Variants in PCDH9 observed in about 807,000 individuals in gnomAD.
PCDH9 encodes protocadherin 9, also known as protocadherin-9.
In PCDH9, 24 loss-of-function variants were observed where a neutral mutation model predicts 70.6. The ratio of observed to expected loss-of-function variants is 0.34; its 90% CI spans 0.25 to 0.48. The LOEUF is 0.48. Ranked by LOEUF, PCDH9 falls within the 20% of genes least tolerant of loss-of-function variation. The pLI is 0.99. For synonymous variants in PCDH9, 562 were observed against 558.5 expected (o/e 1.01, Z -0.09); for missense variants, 1,281 against 1,503.6 (o/e 0.85, Z 2.45).
At chr13:67,070,631 GATTAA>G (rs1308754288) in intron 2 of PCDH9, among the ~76,000 whole-genome samples, 2 of 152,064 alleles carry the variant, frequency 1.3e-5, no homozygotes, top group Admixed American at 1.3e-4. Context: ...AATTCCCACT[GATTAA>G]ATTATACAGA....
chr13:67,005,241 TA>T (rs71772833), intron 2 of PCDH9, among the ~76,000 whole-genome samples: 20 of 148,654 alleles, frequency 1.3e-4, no homozygotes, highest in East Asian at 5.9e-4. Context: ...CTGATCTCTT[TA>T]AAAAAAAAAA....
chr13:67,173,531 A>C (rs533622390), intron 2 of PCDH9, among the ~76,000 whole-genome samples: 87 of 152,260 alleles, frequency 5.7e-4, no homozygotes, highest in African/African-American at 2.0e-3. Context: ...CAGGAGTTTC[A>C]CAAGATGGAA....
chr13:67,160,753 T>C (rs1017366928), intron 2 of PCDH9, among the ~76,000 whole-genome samples: 1 of 152,180 alleles, frequency 6.6e-6, no homozygotes, highest in South Asian at 2.1e-4. Flanking sequence ...TTAAGAAAAG[T>C]TACTTACACT....
intron 2 of PCDH9, among the ~76,000 whole-genome samples, chr13:67,187,798 C>A (rs182347207): frequency 2.6e-5 from 4 of 151,950 alleles, no homozygotes; most frequent in South Asian, 4.2e-4. Context: ...AACAGTTGTA[C>A]ACATTTATGA....
rs74768975 is a variant in PCDH9, at chr13:66,531,662, A to G, written c.3340+99548T>C. 7.7e-4 allele frequency among the ~76,000 whole-genome samples: 117 copies of G among 152,284 alleles called. 1 individual carries two copies. The East Asian group carries it at 0.014, about 19-fold the overall frequency. On this transcript the variant is annotated intron_variant, in intron 4 of 4. Transcript: ENST00000377865. Reference sequence around the variant, plus strand: ...CGCTTTAAATTGTTTGGGGTGGTCCATTCTCTAAATACTTAAAATGCAAGA... The same window carrying G: ...CGCTTTAAATTGTTTGGGGTGGTCCGTTCTCTAAATACTTAAAATGCAAGA...
At chr13:66,700,052 A>G (rs1356270224) in intron 3 of PCDH9, among the ~76,000 whole-genome samples, 4 of 152,154 alleles carry the variant, frequency 2.6e-5, no homozygotes, top group Admixed American at 2.6e-4. Context: ...AGAAATATGT[A>G]CAAGACATCT....
chr13:66,899,930 T>C (rs996241245), intron 3 of PCDH9, among the ~76,000 whole-genome samples: 3 of 152,120 alleles, frequency 2.0e-5, no homozygotes, highest in African/African-American at 7.2e-5. Flanking sequence ...AACATTTGTT[T>C]GGAAACTTTG....
intron 2 of PCDH9, among the ~76,000 whole-genome samples, chr13:67,082,600 C>T (rs991504901): frequency 6.6e-6 from 1 of 152,092 alleles, no homozygotes; most frequent in East Asian, 1.9e-4. Context: ...TACACTCACC[C>T]CTTTTGCTTA....
intron 4 of PCDH9, among the ~76,000 whole-genome samples, chr13:66,467,537 A>G (rs906767618): frequency 6.6e-6 from 1 of 152,036 alleles, no homozygotes; most frequent in Non-Finnish European, 1.5e-5. Flanking sequence ...ATCAGTGTGC[A>G]TATCCTCAAG....
intron 4 of PCDH9, among the ~76,000 whole-genome samples, chr13:66,429,250 G>C (rs1407853108): frequency 6.6e-6 from 1 of 151,704 alleles, no homozygotes; most frequent in East Asian, 1.9e-4. Flanking sequence ...AGAAAAGCAA[G>C]AGAGATTAAT....
At chr13:66,769,685 G>T (rs1363952975) in intron 3 of PCDH9, among the ~76,000 whole-genome samples, 1 of 152,070 alleles carries the variant, frequency 6.6e-6, no homozygotes, top group Non-Finnish European at 1.5e-5. Flanking sequence ...TTTTAAAAAT[G>T]ATGTCCTTAA....
chr13:67,156,546 G>A (rs1475211627), intron 2 of PCDH9, among the ~76,000 whole-genome samples: 2 of 151,978 alleles, frequency 1.3e-5, no homozygotes, highest in Admixed American at 1.3e-4. Flanking sequence ...CCAACTCCAG[G>A]GGAAAACCAT....
chr13:66,323,488 A>T (rs1006061531), intron 4 of PCDH9: 1 of 152,056 alleles, frequency 6.6e-6, no homozygotes, highest in Non-Finnish European at 1.5e-5. Flanking sequence ...ATAAGATTTT[A>T]AAAAATCATT....
rs7981310 is a variant in PCDH9, at chr13:67,049,142, C to T, written c.3037-145537G>A. 2.4e-3 allele frequency among the ~76,000 whole-genome samples: 367 copies of T among 152,202 alleles called. 3 individuals carry two copies. Among genetic ancestry groups the T allele is most frequent in the Non-Finnish European group, 4.0e-3 (272 of 68,018 alleles). The stretch of plus-strand genomic sequence containing the variant: ...GTACTTCTTGTTCTAATGAAAAGTG[C>T]CTTTTGTTAATACTATGCTTTCTGT... On this transcript the variant is annotated intron_variant, in intron 2 of 4. Coordinates refer to ENST00000377865, the MANE Select transcript of PCDH9 (RefSeq NM_203487.3).
intron 2 of PCDH9, among the ~76,000 whole-genome samples, chr13:66,999,268 G>T (rs1269527563): frequency 1.3e-5 from 2 of 152,068 alleles, no homozygotes; most frequent in African/African-American, 4.8e-5. Context: ...TGAGATACAG[G>T]TTTCAGTCAG....
chr13:66,953,106 G>T (rs1019714264), intron 2 of PCDH9, among the ~76,000 whole-genome samples: 2 of 151,478 alleles, frequency 1.3e-5, no homozygotes, highest in African/African-American at 4.9e-5. Context: ...CACCAATACA[G>T]ATTACTAGAT....
At chr13:66,605,204 A>G (rs2077208847) in intron 4 of PCDH9, among the ~76,000 whole-genome samples, 2 of 152,110 alleles carry the variant, frequency 1.3e-5, no homozygotes, top group Non-Finnish European at 1.5e-5. Flanking sequence ...TAGTTTCTAA[A>G]TATTTGAGCA....
chr13:67,079,959 C>T (rs1166167807), intron 2 of PCDH9, among the ~76,000 whole-genome samples: 1 of 152,166 alleles, frequency 6.6e-6, no homozygotes, highest in African/African-American at 2.4e-5. Context: ...CCTATGATCT[C>T]CCCAGCCCTC....
intron 4 of PCDH9, among the ~76,000 whole-genome samples, chr13:66,446,545 T>G (rs968350485): frequency 2.0e-5 from 3 of 152,108 alleles, no homozygotes; most frequent in Admixed American, 6.5e-5. Flanking sequence ...AAAAGATCCA[T>G]GCTACATATG....
Sources: gnomAD v4.1 joint callset for allele counts (sites outside exome capture counted in the v4.1 genomes callset) on GRCh38, gnomAD v4.1.1 for gene constraint, MANE v1.5 for transcripts, NCBI Gene and HGNC (gene_info 2026-07-23, HGNC 2026-07-21) for gene names.